The following PHACTR2 variants were observed in gnomAD, a reference collection of about 807,000 sequenced individuals.
PHACTR2 encodes the protein phosphatase and actin regulator 2, also known as chromosome 6 open reading frame 56.
Under a neutral mutation model 76.0 loss-of-function variants are expected in PHACTR2, and 30 were observed. The observed-to-expected ratio is 0.39, with a 90% confidence interval of 0.30 to 0.54. The LOEUF (loss-of-function observed/expected upper bound fraction) is 0.54. Ranked by LOEUF, PHACTR2 falls within the 20% of genes least tolerant of loss-of-function variation. The pLI, the probability that PHACTR2 is intolerant of heterozygous loss-of-function variation, is 0.61. For missense variants in PHACTR2, 696 were observed against 781.1 expected (o/e 0.89, Z 1.30); for synonymous variants, 292 against 292.5 (o/e 1.00, Z 0.02).
In PHACTR2 at chr6:143,825,383, A is replaced by G. The variant is rs1239971849; in HGVS notation, c.*1694A>G. Reference sequence around the variant, plus strand: ...AAAAAATGTTAATGCCAGTTGGCCTACTATAAAAAGCCAGGACCATGTTAG... The same window carrying G: ...AAAAAATGTTAATGCCAGTTGGCCTGCTATAAAAAGCCAGGACCATGTTAG... On this transcript the variant is annotated 3_prime_UTR_variant, in exon 13 of 13. Coordinates refer to ENST00000440869, the MANE Select transcript of PHACTR2 (RefSeq NM_001100164.2). The surrounding 1 kb of genome is among the most constrained non-coding windows in gnomAD (Gnocchi z 4.1). 3.3e-5 allele frequency: 5 copies of G among 152,236 alleles called. No homozygotes were observed. Among genetic ancestry groups the G allele is most frequent in the African/African-American group, 4.8e-5 (2 of 41,470 alleles). 9.4% of individuals were successfully genotyped at this position (152,236 alleles called of 1,614,324 possible).
At chr6:143,718,213 T>G (rs1450698709) in intron 2 of PHACTR2, among the ~76,000 whole-genome samples, 1 of 152,212 alleles carries the variant, frequency 6.6e-6, no homozygotes, top group African/African-American at 2.4e-5. Flanking sequence ...TAATAATGGC[T>G]AATTTTTATT....
intron 1 of PHACTR2, among the ~76,000 whole-genome samples, chr6:143,594,900 G>A (rs905051679): frequency 2.0e-5 from 3 of 152,188 alleles, no homozygotes; most frequent in Non-Finnish European, 4.4e-5. Flanking sequence ...AGGTCTGTGG[G>A]GATGTTTGAC....
rs899192987 is a variant in PHACTR2 at position 143,825,008 on chromosome 6, C to CAGAG, written c.*1319_*1320insAGAG. 9.8e-5 allele frequency: 15 copies of CAGAG among 152,590 alleles called. No individual in the cohort carries two copies. The highest frequency in any genetic ancestry group is 8.5e-4 in the Admixed American group (13 of 15,270). 9.5% of individuals were successfully genotyped at this position (152,590 alleles called of 1,614,324 possible). A position where few individuals can be genotyped will look rare whatever the true frequency, so the allele number is the denominator to read the frequency against. On this transcript the variant is annotated 3_prime_UTR_variant, in exon 13 of 13. Transcript: ENST00000440869. The surrounding 1 kb of genome is among the most constrained non-coding windows in gnomAD (Gnocchi z 4.1). ...AGTCTGTATTGTTTACATTAAGAAA[C>CAGAG]TCTCTATTATTGTGTTGCTATTTTC...
Position 143,663,137 on chromosome 6 carries a change from T to C in PHACTR2, c.14-48879T>C, listed in dbSNP as rs115780349. ...CTAATGAGCACCTAGGTTGATTCCA[T>C]GTCTCTGCTATTGTGAATAGCACAG... On this transcript the variant is annotated intron_variant, in intron 1 of 11. Transcript: ENST00000305766. This position sits in a 1 kb window ranked among gnomAD's most constrained non-coding sequence, Gnocchi z 4.1. 0.015 allele frequency among the ~76,000 whole-genome samples: 2,303 copies of C among 152,324 alleles called. 61 individuals carry two copies. Among genetic ancestry groups the C allele is most frequent in the African/African-American group, 0.049 (2,039 of 41,580 alleles).
At position 143,537,038 on chromosome 6, in the gene PHACTR2, C is replaced by A. The variant is rs1397572720; in HGVS notation, c.48C>A (p.Ala16=). 6 of 177,644 alleles carry A rather than the reference C, an allele frequency of 3.4e-5. No individual in the cohort carries two copies. The East Asian group carries it at 9.2e-4, about 27-fold the overall frequency. 11.0% of individuals were successfully genotyped at this position (177,644 alleles called of 1,614,324 possible). The change falls in exon 1 of 12, where the codon GCC becomes GCA. Residue 16 remains alanine (A), a synonymous_variant. Coordinates refer to the PHACTR2 transcript ENST00000367584. The surrounding 1 kb of genome is among the most constrained non-coding windows in gnomAD (Gnocchi z 4.4). ...CCGCGGCGTCCCCGGTCGATCCGGC[C>A]GGGCAGGCGGCGGCGGTCCCAGTCC...
intron 2 of PHACTR2, among the ~76,000 whole-genome samples, chr6:143,726,086 A>G (rs1456498424): frequency 1.3e-5 from 2 of 152,214 alleles, no homozygotes; most frequent in Non-Finnish European, 2.9e-5. Flanking sequence ...TTCTTGTGTG[A>G]GCAAAAGTTT....
intron 1 of PHACTR2, among the ~76,000 whole-genome samples, chr6:143,692,243 C>G (rs1236090895): frequency 6.6e-6 from 1 of 152,128 alleles, no homozygotes; most frequent in African/African-American, 2.4e-5. Context: ...TTGCACTGAT[C>G]AATTTCATCT....
rs1276456287 is a variant in PHACTR2, at chr6:143,774,353, G to A, written c.1589+138G>A. ...TACTGGGTCTTTTAAAGTTGGTCTTGCATGATGAAACACTCGAAGAACCTG... is the reference window on the plus strand; with the variant it reads ...TACTGGGTCTTTTAAAGTTGGTCTTACATGATGAAACACTCGAAGAACCTG... On this transcript the variant is annotated intron_variant, in intron 8 of 12. Transcript: ENST00000440869. The surrounding 1 kb of genome is among the most constrained non-coding windows in gnomAD (Gnocchi z 5.4). 5 of 582,976 alleles carry A rather than the reference G, an allele frequency of 8.6e-6. No individual in the cohort carries two copies. The African/African-American group carries it at 9.6e-5, about 11-fold the overall frequency. 36.1% of individuals were successfully genotyped at this position (582,976 alleles called of 1,614,324 possible).
Position 143,624,695 on chromosome 6 carries a change from T to C in PHACTR2, c.13+16373T>C, listed in dbSNP as rs1776223572. 6.6e-6 allele frequency among the ~76,000 whole-genome samples: 1 copy of C among 152,056 alleles called. No individual in the cohort carries two copies. Among genetic ancestry groups the C allele is most frequent in the Admixed American group, 6.6e-5 (1 of 15,256 alleles). ...ATCTGCCCTTGAGGAGCTCCAGGCC[T>C]AAAGCTGGAACCCCACGGTTGCCCT... is the stretch of plus-strand genomic sequence containing the variant. On this transcript the variant is annotated intron_variant, in intron 1 of 11. Transcript: ENST00000305766. This position sits in a 1 kb window ranked among gnomAD's most constrained non-coding sequence, Gnocchi z 4.6.
intron 1 of PHACTR2, among the ~76,000 whole-genome samples, chr6:143,579,150 C>A (rs191862317): frequency 2.0e-5 from 3 of 152,178 alleles, no homozygotes; most frequent in Non-Finnish European, 2.9e-5. Flanking sequence ...GTGATCCCCC[C>A]ACCTTGGCCT....
intron 1 of PHACTR2, among the ~76,000 whole-genome samples, chr6:143,584,404 G>T (rs902936299): frequency 6.6e-6 from 1 of 152,200 alleles, no homozygotes; most frequent in Admixed American, 6.5e-5. Flanking sequence ...TTCAAGGGAA[G>T]ATCAACTAGC....
chr6:143,651,266 G>A (rs1412975481), intron 1 of PHACTR2, among the ~76,000 whole-genome samples: 1 of 152,116 alleles, frequency 6.6e-6, no homozygotes, highest in East Asian at 1.9e-4. Flanking sequence ...TTCAACCTTT[G>A]TGGAAGACAG....
chr6:143,553,885 G>A lies in PHACTR2; in HGVS notation c.217+16678G>A, dbSNP rs1775129782. 6.6e-6 allele frequency among the ~76,000 whole-genome samples: 1 copy of A among 152,178 alleles called. No individual in the cohort carries two copies. On this transcript the variant is annotated intron_variant, in intron 1 of 11. Transcript: ENST00000367584. This position sits in a 1 kb window ranked among gnomAD's most constrained non-coding sequence, Gnocchi z 4.2. Reference sequence around the variant, plus strand: ...TGGCAACCAAGGCAGGCCCCACTGAGAAGGTGGCATTTGAAGAAAGGCCTG... The same window carrying A: ...TGGCAACCAAGGCAGGCCCCACTGAAAAGGTGGCATTTGAAGAAAGGCCTG...
In PHACTR2 at chr6:143,571,205, CTAACAATTATCATTGTTAG is replaced by C. The variant is rs973767022; in HGVS notation, c.217+34014_217+34032del. Among the ~76,000 whole-genome samples the C allele has an allele frequency of 2.0e-5, 3 of 152,190 alleles. No individual in the cohort carries two copies. Among genetic ancestry groups the C allele is most frequent in the East Asian group, 1.9e-4 (1 of 5,186 alleles). On this transcript the variant is annotated intron_variant, in intron 1 of 11. Transcript: ENST00000367584. The surrounding 1 kb of genome is among the most constrained non-coding windows in gnomAD (Gnocchi z 4.6). ...CATTCAAATTTAGCCAATTATCCCA[CTAACAATTATCATTGTTAG>C]TAACAATTATCATTGCGGTGTTTGT... is the stretch of plus-strand genomic sequence containing the variant.
chr6:143,571,209 C>T lies in PHACTR2; in HGVS notation c.217+34002C>T, dbSNP rs1310116896. On this transcript the variant is annotated intron_variant, in intron 1 of 11. Transcript: ENST00000367584. This position sits in a 1 kb window ranked among gnomAD's most constrained non-coding sequence, Gnocchi z 4.6. ...CAAATTTAGCCAATTATCCCACTAA[C>T]AATTATCATTGTTAGTAACAATTAT... Among the ~76,000 whole-genome samples the T allele has an allele frequency of 6.6e-6, 1 of 152,170 alleles. No individual in the cohort carries two copies. The highest frequency in any genetic ancestry group is 1.5e-5 in the Non-Finnish European group (1 of 68,024).
rs751683372 is a variant in PHACTR2 at position 143,806,606 on chromosome 6, G to A, written c.1846-451G>A. ...CTCTTGCCAATGGCACTTGAAGGAA[G>A]TCTATCATGGTTTTAGTTTGGCTAT... On this transcript the variant is annotated intron_variant, in intron 11 of 12. Coordinates refer to ENST00000440869, the MANE Select transcript of PHACTR2 (RefSeq NM_001100164.2). The surrounding 1 kb of genome is among the most constrained non-coding windows in gnomAD (Gnocchi z 5.8). Among the ~76,000 whole-genome samples the A allele has an allele frequency of 4.6e-5, 7 of 152,114 alleles. No individual in the cohort carries two copies. The highest frequency in any genetic ancestry group is 1.0e-4 in the Non-Finnish European group (7 of 68,022).
At chr6:143,810,759 G>A (rs970837124) in intron 12 of PHACTR2, among the ~76,000 whole-genome samples, 1 of 151,708 alleles carries the variant, frequency 6.6e-6, no homozygotes, top group African/African-American at 2.4e-5. Flanking sequence ...CTGAGCCCAG[G>A]AAATGGAGGC....
In PHACTR2 at chr6:143,738,648, T is replaced by TA. The variant is rs1349656573; in HGVS notation, c.215-10336dup. ...GTGCATGCCTGTAGTCCCAGCTACTTAGGAGGCTAAGGTGAGAGGATGGCT... is the reference window on the plus strand; with the variant it reads ...GTGCATGCCTGTAGTCCCAGCTACTTAAGGAGGCTAAGGTGAGAGGATGGCT... On this transcript the variant is annotated intron_variant, in intron 2 of 12. Transcript: ENST00000440869. The surrounding 1 kb of genome is among the most constrained non-coding windows in gnomAD (Gnocchi z 4.0). 6.6e-6 allele frequency among the ~76,000 whole-genome samples: 1 copy of TA among 151,346 alleles called. No individual in the cohort carries two copies. The highest frequency in any genetic ancestry group is 6.6e-5 in the Admixed American group (1 of 15,186).
intron 1 of PHACTR2, among the ~76,000 whole-genome samples, chr6:143,613,622 C>T (rs1460437033): frequency 1.3e-4 from 20 of 152,162 alleles, no homozygotes; most frequent in Admixed American, 1.2e-3. Context: ...TCTTTGCAAA[C>T]GCTCATCTTT....
Sources: allele counts gnomAD v4.1 joint callset (sites outside exome capture counted in the v4.1 genomes callset), GRCh38; gene constraint gnomAD v4.1.1; non-coding constraint Gnocchi (gnomAD v3.1); transcripts MANE v1.5; gene names NCBI Gene and HGNC (gene_info 2026-07-23, HGNC 2026-07-21).